The following MYH4 variants were observed in gnomAD, a reference collection of about 807,000 sequenced individuals.
The protein encoded by MYH4 is myosin heavy chain 4, also known as myosin-4.
MYH4 carries 200 observed loss-of-function variants against 229.9 expected under a neutral mutation model. That is an observed-to-expected ratio of 0.87 (90% CI 0.78 to 0.98). MYH4 has a LOEUF of 0.98. Ranked by LOEUF, MYH4 falls within the 50% of genes least tolerant of loss-of-function variation. MYH4 has a pLI of 0.00. For synonymous variants in MYH4, 761 were observed against 834.6 expected (o/e 0.91, Z 1.52); for missense variants, 2,148 against 2,332.6 (o/e 0.92, Z 1.63).
Position 10,463,348 on chromosome 17 carries a change from A to G in MYH4, c.795T>C (p.Asp265=). 6.2e-7 allele frequency: 1 copy of G among 1,610,528 alleles called. No homozygotes were observed. The highest frequency in any genetic ancestry group is 1.1e-5 in the South Asian group (1 of 89,958). Residue 265 remains aspartate, a synonymous_variant, in exon 9 of 40, where the codon GAT becomes GAC. Coordinates refer to ENST00000255381, the MANE Select transcript of MYH4 (RefSeq NM_017533.2). The stretch of plus-strand genomic sequence containing the variant: ...TATTTATTAACTTACATGTTTCAAT[A>G]TCTGCAGAAGCCAGTTTGCCTGTGG... ...FGATGKLASA[D]IETYLLEKSR...
chr17:10,450,390 C>T, intron 30 of MYH4, 63 bp downstream of exon 30: 1 of 1,611,478 alleles, frequency 6.2e-7, no homozygotes, highest in Non-Finnish European at 8.5e-7. Context: ...TCTCTTTCTT[C>T]TATTTTTCCT....
intron 28 of MYH4, 62 bp from the exon 29 acceptor site, chr17:10,450,957 A>G (rs1451253589): frequency 7.5e-7 from 1 of 1,325,012 alleles, no homozygotes; most frequent in African/African-American, 1.5e-5. Context: ...AATTTAAAGA[A>G]TGGAATAACA....
At chr17:10,458,878 A>ATGAG (rs1281639909) in intron 15 of MYH4, among the ~76,000 whole-genome samples, 1 of 152,204 alleles carries the variant, frequency 6.6e-6, no homozygotes, top group African/African-American at 2.4e-5. Flanking sequence ...CTTGTTACAC[A>ATGAG]TGAGGGATGA....
intron 15 of MYH4, 126 bp from the exon 16 acceptor site, chr17:10,457,855 G>T: frequency 2.4e-6 from 3 of 1,276,564 alleles, no homozygotes; most frequent in Non-Finnish European, 3.2e-6. Flanking sequence ...AAATAGGCAT[G>T]ACATGTGAAG....
rs1416095195 is a variant in MYH4 at position 10,444,603 on chromosome 17, C to A, written c.5667+1G>T. 1.2e-6 allele frequency: 2 copies of A among 1,612,814 alleles called. No individual in the cohort carries two copies. The highest frequency in any genetic ancestry group is 3.3e-5 in the Admixed American group (2 of 59,994). On this transcript the variant is annotated splice_donor_variant, in intron 39 of 39. Coordinates refer to ENST00000255381, the MANE Select transcript of MYH4 (RefSeq NM_017533.2). LOFTEE classifies it high-confidence loss of function. ...TTCATTTCCACTGTGGAGATACTCA[C>A]AGCCTCTTCAGCTTGTCTCTTGTAA... is the stretch of plus-strand genomic sequence containing the variant.
Position 10,447,189 on chromosome 17 carries a change from T to G in MYH4, c.4993A>C (p.Ile1665Leu). Residue 1665 changes from isoleucine to leucine, a missense_variant, in exon 35 of 40, where the codon ATC (isoleucine) becomes CTC (leucine). Physicochemically the swap from Ile to Leu is conservative, Grantham distance 5. Coordinates refer to ENST00000255381, the MANE Select transcript of MYH4 (RefSeq NM_017533.2). ...KDTQLHLDDA[I>L]RGQDDLKEQL... The stretch of plus-strand genomic sequence containing the variant: ...TCCTTAAGGTCATCTTGGCCTCTGA[T>G]GGCATCATCCAAATGTAGCTGAGTG... 6.2e-7 allele frequency: 1 copy of G among 1,614,136 alleles called. No homozygotes were observed. The highest frequency in any genetic ancestry group is 8.5e-7 in the Non-Finnish European group (1 of 1,180,000).
chr17:10,447,487 C>T (rs943892679), intron 34 of MYH4, among the ~76,000 whole-genome samples: 5 of 152,130 alleles, frequency 3.3e-5, no homozygotes, highest in African/African-American at 9.7e-5. Flanking sequence ...TAGACTTCAG[C>T]GAGTCCAGTG....
Position 10,460,307 on chromosome 17 carries a change from C to T in MYH4, c.1162G>A (p.Ala388Thr). ...GCAGAGTTCAGACTTGTCAGATAAG[C>T]AGCTTTGTCAGCAACTGTGTGAACA... ...PDGTEVADKAAYLTSLNSADL... is the reference protein window; with the variant it reads ...PDGTEVADKATYLTSLNSADL... The change falls in exon 13 of 40, where the codon GCT (alanine) becomes ACT (threonine). Residue 388 changes from alanine (A) to threonine (T), a missense_variant. Transcript: ENST00000255381. 3 of 1,605,172 alleles carry T rather than the reference C, an allele frequency of 1.9e-6. No individual in the cohort carries two copies. The highest frequency in any genetic ancestry group is 2.6e-6 in the Non-Finnish European group (3 of 1,172,802).
intron 39 of MYH4, among the ~76,000 whole-genome samples, chr17:10,444,125 T>A (rs1211199877): frequency 6.6e-6 from 1 of 151,956 alleles, no homozygotes; most frequent in Non-Finnish European, 1.5e-5. Context: ...ATCTTGTTTC[T>A]AAAAAAGAAA....
At chr17:10,451,288 G>A (rs186532155) in intron 28 of MYH4, 38 bp downstream of exon 28, 13 of 1,605,390 alleles carry the variant, frequency 8.1e-6, no homozygotes, top group African/African-American at 2.7e-5. Flanking sequence ...TCTTTCATTC[G>A]TCACCTCTCC....
rs1317725415 is a variant in MYH4 at position 10,463,199 on chromosome 17, G to A, written c.806-11C>T. On this transcript the variant is annotated splice_polypyrimidine_tract_variant and intron_variant, in intron 9 of 39. Transcript: ENST00000255381. ...ACTTCTCTAGCAGATCTGGAAGTCAGATTAAGCTCATTTAAAAGAAGATGC... is the reference window on the plus strand; with the variant it reads ...ACTTCTCTAGCAGATCTGGAAGTCAAATTAAGCTCATTTAAAAGAAGATGC... 1.2e-6 allele frequency: 2 copies of A among 1,602,462 alleles called. No homozygotes were observed. Among genetic ancestry groups the A allele is most frequent in the Admixed American group, 3.4e-5 (2 of 59,098 alleles).
chr17:10,455,158 T>C lies in MYH4; in HGVS notation c.2298+14A>G. 1 of 1,614,168 alleles carries C rather than the reference T, an allele frequency of 6.2e-7. No homozygotes were observed. Among genetic ancestry groups the C allele is most frequent in the Non-Finnish European group, 8.5e-7 (1 of 1,180,008 alleles). ...GATAGAATTATGACAGATAGAAATT[T>C]GGACTGGTGATACCTTGGTATGACC... is the stretch of plus-strand genomic sequence containing the variant. On this transcript the variant is annotated intron_variant, in intron 20 of 39. Coordinates refer to ENST00000255381, the MANE Select transcript of MYH4 (RefSeq NM_017533.2).
chr17:10,458,325 A>G (rs2142224089), intron 15 of MYH4, among the ~76,000 whole-genome samples: 1 of 152,298 alleles, frequency 6.6e-6, no homozygotes, highest in African/African-American at 2.4e-5. Flanking sequence ...AAATTCACAA[A>G]TTGTACCCCT....
chr17:10,443,650 G>T lies in MYH4; in HGVS notation c.5668-123C>A. 1 of 1,045,174 alleles carries T rather than the reference G, an allele frequency of 9.6e-7. No individual in the cohort carries two copies. The highest frequency in any genetic ancestry group is 1.4e-6 in the Non-Finnish European group (1 of 729,904). The allele number at this position is 1,045,174 out of a possible 1,614,324, so 64.7% of individuals were successfully genotyped here. On this transcript the variant is annotated intron_variant, in intron 39 of 39. Coordinates refer to ENST00000255381, the MANE Select transcript of MYH4 (RefSeq NM_017533.2). The surrounding 1 kb of genome is among the most constrained non-coding windows in gnomAD (Gnocchi z 4.6). ...AAAAAGGCTCCGTTGTCCAGGCATG[G>T]TGGCTCACACCTGTAATCCCAGCAC...
rs750655092 is a variant in MYH4, at chr17:10,457,736, A to T, written c.1588-7T>A. The T allele has an allele frequency of 3.7e-6, 6 of 1,610,944 alleles. No individual in the cohort carries two copies. The highest frequency in any genetic ancestry group is 5.1e-6 in the Non-Finnish European group (6 of 1,178,112). On this transcript the variant is annotated splice_polypyrimidine_tract_variant and splice_region_variant and intron_variant, in intron 15 of 39. Transcript: ENST00000255381. ...TGGAGAAGATGCCCATAGGCTAAGA[A>T]TAGGAAAAAAGGGATGATAATGATG... is the stretch of plus-strand genomic sequence containing the variant.
chr17:10,444,739 C>T (rs1308170970), intron 38 of MYH4, 40 bp from the exon 39 acceptor site: 14 of 1,612,392 alleles, frequency 8.7e-6, no homozygotes, highest in Non-Finnish European at 1.1e-5. Context: ...TATTTTAAAA[C>T]AACTCATGAT....
In MYH4 at chr17:10,444,647, A is replaced by G. The variant is rs2072490410; in HGVS notation, c.5624T>C (p.Leu1875Ser). 1 of 1,613,952 alleles carries G rather than the reference A, an allele frequency of 6.2e-7. No homozygotes were observed. Among genetic ancestry groups the G allele is most frequent in the Non-Finnish European group, 8.5e-7 (1 of 1,179,984 alleles). ...CTTGTAAGCTTTGACTTTGGTTTGC[A>G]ATTTGTCCACCAAGTCCTGCAGCCT... ...ILRLQDLVDK[L>S]QTKVKAYKRQ... The change falls in exon 39 of 40, where the codon TTG becomes TCG. Residue 1875 changes from leucine to serine, a missense_variant. By Grantham distance (145) the Leu-to-Ser change is moderately radical (BLOSUM62 -2). Coordinates refer to ENST00000255381, the MANE Select transcript of MYH4 (RefSeq NM_017533.2).
In MYH4 at chr17:10,443,587, C is replaced by A; in HGVS notation, c.5668-60G>T. 1 of 1,536,906 alleles carries A rather than the reference C, an allele frequency of 6.5e-7. No individual in the cohort carries two copies. The highest frequency in any genetic ancestry group is 8.9e-7 in the Non-Finnish European group (1 of 1,128,172). Reference sequence around the variant, plus strand: ...ATTGGACATTTCCTGATTGTTATTGCTTTTGTTACTTCAGGATTTGCCTCA... The same window carrying A: ...ATTGGACATTTCCTGATTGTTATTGATTTTGTTACTTCAGGATTTGCCTCA... On this transcript the variant is annotated intron_variant, in intron 39 of 39. Transcript: ENST00000255381. This position sits in a 1 kb window ranked among gnomAD's most constrained non-coding sequence, Gnocchi z 4.6.
chr17:10,462,235 T>C (rs1162371684), intron 11 of MYH4, among the ~76,000 whole-genome samples: 1 of 152,108 alleles, frequency 6.6e-6, no homozygotes, highest in Non-Finnish European at 1.5e-5. Flanking sequence ...GAAATATACA[T>C]AAAGTTTACA....
Sources: gnomAD v4.1 joint callset for allele counts (sites outside exome capture counted in the v4.1 genomes callset) on GRCh38, gnomAD v4.1.1 for gene constraint, Gnocchi (gnomAD v3.1) non-coding constraint, MANE v1.5 for transcripts, NCBI Gene and HGNC (gene_info 2026-07-23, HGNC 2026-07-21) for gene names.